PTPRT: variants seen among roughly 807,000 people sequenced by gnomAD.
The protein encoded by PTPRT is receptor-type tyrosine-protein phosphatase T.
In PTPRT, 56 loss-of-function variants were observed where a neutral mutation model predicts 176.8. The observed-to-expected ratio is 0.32, with a 90% CI of 0.26 to 0.40. The LOEUF (loss-of-function observed/expected upper bound fraction) is 0.40, where lower values mean the gene tolerates loss of function less well. Among genes scored for constraint, PTPRT ranks in the 10% least tolerant of loss-of-function variants. The pLI is 1.00. For synonymous variants in PTPRT, 783 were observed against 739.0 expected, an observed-to-expected ratio of 1.06 and a Z score of -0.96; for missense variants, 1,540 against 1,908.2, an observed-to-expected ratio of 0.81 and a Z score of 3.60.
At chr20:43,177,471 T>A (rs1395979248) in intron 1 of PTPRT, among the ~76,000 whole-genome samples, 2 of 152,066 alleles carry the variant, frequency 1.3e-5, no homozygotes, top group African/African-American at 2.4e-5. Flanking sequence ...AAATTAGACA[T>A]CTGAAAAGGA....
intron 2 of PTPRT, among the ~76,000 whole-genome samples, chr20:42,838,618 T>C (rs932916208): frequency 2.0e-5 from 3 of 152,186 alleles, no homozygotes; most frequent in African/African-American, 4.8e-5. Context: ...CTGTAACCAA[T>C]GGGCCGCTGG....
At chr20:42,156,358 C>G (rs1403005853) in intron 17 of PTPRT, among the ~76,000 whole-genome samples, 1 of 152,170 alleles carries the variant, frequency 6.6e-6, no homozygotes, top group Non-Finnish European at 1.5e-5. Flanking sequence ...CTGGAAAATG[C>G]TCCCATATCT....
At chr20:42,312,024 G>C (rs1477027643) in intron 12 of PTPRT, among the ~76,000 whole-genome samples, 1 of 152,126 alleles carries the variant, frequency 6.6e-6, no homozygotes, top group East Asian at 1.9e-4. Context: ...GATTAGAACT[G>C]TTAAGTTTTT....
At chr20:42,260,863 A>G (rs1236185549) in intron 13 of PTPRT, among the ~76,000 whole-genome samples, 1 of 152,202 alleles carries the variant, frequency 6.6e-6, no homozygotes, top group African/African-American at 2.4e-5. Context: ...GGCCAAATGT[A>G]GAATACAGTC....
chr20:42,751,200 C>T (rs2076765122), intron 6 of PTPRT, among the ~76,000 whole-genome samples: 1 of 152,078 alleles, frequency 6.6e-6, no homozygotes, highest in Non-Finnish European at 1.5e-5. Flanking sequence ...GCTGTGGAAG[C>T]CAGCACAGGG....
At chr20:42,681,983 C>G (rs1344842707) in intron 6 of PTPRT, among the ~76,000 whole-genome samples, 1 of 152,206 alleles carries the variant, frequency 6.6e-6, no homozygotes, top group Non-Finnish European at 1.5e-5. Context: ...ACAAGAAAAA[C>G]TGCTCTATGG....
chr20:42,165,845 C>A (rs1477774775), intron 16 of PTPRT, among the ~76,000 whole-genome samples: 1 of 152,036 alleles, frequency 6.6e-6, no homozygotes, highest in Non-Finnish European at 1.5e-5. Flanking sequence ...ATAGCACTGG[C>A]CAGTGGAAAT....
chr20:43,053,312 C>T (rs1388899108), intron 1 of PTPRT, among the ~76,000 whole-genome samples: 3 of 152,212 alleles, frequency 2.0e-5, no homozygotes, highest in African/African-American at 7.2e-5. Context: ...GTGCTCATAT[C>T]TGGATCATGG....
chr20:42,744,513 A>G (rs2076662038), intron 6 of PTPRT, among the ~76,000 whole-genome samples: 1 of 152,232 alleles, frequency 6.6e-6, no homozygotes, highest in Non-Finnish European at 1.5e-5. Flanking sequence ...GTAGGCTAGA[A>G]AGTTTTCATT....
chr20:42,626,154 C>T lies in PTPRT; in HGVS notation c.1153+51712G>A, dbSNP rs184098520. On this transcript the variant is annotated intron_variant, in intron 7 of 30. Transcript: ENST00000373187. ...AAAAATTCACATAAAAGTCAAATTA[C>T]TTGTATATATTTTGAGGCTCATCTA... is the stretch of plus-strand genomic sequence containing the variant. Among the ~76,000 whole-genome samples the T allele has an allele frequency of 5.9e-5, 9 of 152,104 alleles. No individual in the cohort carries two copies. In the East Asian group the frequency reaches 9.7e-4, roughly 16 times the overall value.
intron 9 of PTPRT, among the ~76,000 whole-genome samples, chr20:42,438,550 T>C (rs1378885136): frequency 2.0e-5 from 3 of 152,196 alleles, no homozygotes; most frequent in Non-Finnish European, 2.9e-5. Context: ...GGATGAAAGC[T>C]TCACACAGAC....
chr20:42,585,989 C>T (rs1206983430), intron 7 of PTPRT, among the ~76,000 whole-genome samples: 4 of 152,046 alleles, frequency 2.6e-5, no homozygotes, highest in Non-Finnish European at 5.9e-5. Context: ...ATAGCATTTG[C>T]TGGTATTCTT....
intron 16 of PTPRT, among the ~76,000 whole-genome samples, chr20:42,177,813 A>C (rs1990354884): frequency 6.6e-6 from 1 of 151,716 alleles, no homozygotes; most frequent in African/African-American, 2.4e-5. Flanking sequence ...CATGGTAAAG[A>C]TCTTTCTGTC....
chr20:42,529,779 G>A (rs1001712207), intron 7 of PTPRT, among the ~76,000 whole-genome samples: 2 of 147,954 alleles, frequency 1.4e-5, no homozygotes, highest in South Asian at 2.1e-4. Context: ...GAGCCACTAC[G>A]CCTGGCCTCA....
chr20:42,805,879 A>G (rs1015832287), intron 2 of PTPRT, among the ~76,000 whole-genome samples: 2 of 152,090 alleles, frequency 1.3e-5, no homozygotes, highest in Non-Finnish European at 2.9e-5. Flanking sequence ...GGTGCTTCTC[A>G]TCTTTTGCCA....
chr20:43,162,181 G>A (rs1293134109), intron 1 of PTPRT, among the ~76,000 whole-genome samples: 2 of 152,224 alleles, frequency 1.3e-5, no homozygotes, highest in East Asian at 1.9e-4. Context: ...ACTGACTCTC[G>A]ATGGCAAGAG....
chr20:42,110,241 G>A (rs1035817843), intron 23 of PTPRT, 92 bp downstream of exon 23: 7 of 1,210,568 alleles, frequency 5.8e-6, no homozygotes, highest in Non-Finnish European at 7.9e-6. Context: ...TAGTAGAGAC[G>A]AGGTTTCACC....
intron 7 of PTPRT, among the ~76,000 whole-genome samples, chr20:42,634,996 T>A (rs1484676026): frequency 1.3e-5 from 2 of 152,114 alleles, no homozygotes; most frequent in Non-Finnish European, 1.5e-5. Context: ...ACACAGCAGG[T>A]ATCCACAATC....
intron 1 of PTPRT, among the ~76,000 whole-genome samples, chr20:42,971,801 C>T (rs1372829624): frequency 6.6e-6 from 1 of 152,094 alleles, no homozygotes; most frequent in Non-Finnish European, 1.5e-5. Context: ...TGGGCTAGAG[C>T]AGTCCTGCTT....
Sources: allele counts gnomAD v4.1 joint callset (sites outside exome capture counted in the v4.1 genomes callset), GRCh38; gene constraint gnomAD v4.1.1; transcripts MANE v1.5; gene names NCBI Gene and HGNC (gene_info 2026-07-23, HGNC 2026-07-21).